The following ITPR1 variants were observed in gnomAD, a reference collection of about 807,000 sequenced individuals.
ITPR1 encodes inositol 1,4,5-trisphosphate receptor type 1.
ITPR1 carries 96 observed loss-of-function variants against 318.4 expected under a neutral mutation model. That is an observed-to-expected ratio of 0.30 (90% CI 0.26 to 0.36). ITPR1 has a LOEUF of 0.36. Ranked by LOEUF, ITPR1 falls within the 10% of genes least tolerant of loss-of-function variation. The pLI is 1.00. For missense variants in ITPR1, 2,440 were observed against 3,460.2 expected, an observed-to-expected ratio of 0.71 and a Z score of 7.40; for synonymous variants, 1,312 against 1,289.9, an observed-to-expected ratio of 1.02 and a Z score of -0.37.
At position 4,811,040 on chromosome 3, in the gene ITPR1, T is replaced by C. The variant is rs146312233; in HGVS notation, c.7273-225T>C. Among the ~76,000 whole-genome samples, 53 of 152,372 alleles carry C rather than the reference T, an allele frequency of 3.5e-4. 1 individual carries two copies. In the East Asian group the frequency reaches 9.4e-3, roughly 27 times the overall value. On this transcript the variant is annotated intron_variant, in intron 55 of 61. Coordinates refer to ENST00000649015, the MANE Select transcript of ITPR1 (RefSeq NM_001378452.1). Reference sequence around the variant, plus strand: ...CCTCTAAATGGCTCTGGATACTACTTGAAGTTGCTATTGTTTCCTGCTTCC... The same window carrying C: ...CCTCTAAATGGCTCTGGATACTACTCGAAGTTGCTATTGTTTCCTGCTTCC...
chr3:4,603,946 A>G (rs575765804), intron 4 of ITPR1, among the ~76,000 whole-genome samples: 19 of 152,320 alleles, frequency 1.2e-4, no homozygotes, highest in South Asian at 8.3e-4. Context: ...ATTTCTACCA[A>G]TAGTGTATAA....
chr3:4,632,798 A>G (rs1370490202), intron 5 of ITPR1, among the ~76,000 whole-genome samples: 7 of 152,126 alleles, frequency 4.6e-5, no homozygotes, highest in African/African-American at 7.2e-5. Context: ...GTGATCAAAA[A>G]TGGTCAACTC....
chr3:4,644,926 C>G (rs911749332), intron 8 of ITPR1, among the ~76,000 whole-genome samples: 1 of 152,130 alleles, frequency 6.6e-6, no homozygotes, highest in African/African-American at 2.4e-5. Flanking sequence ...CGTGTTAGCA[C>G]CTAAACCTAG....
At chr3:4,740,469 G>A (rs141509671) in intron 44 of ITPR1, among the ~76,000 whole-genome samples, 1 of 152,274 alleles carries the variant, frequency 6.6e-6, no homozygotes, top group Non-Finnish European at 1.5e-5. Flanking sequence ...TCAATTTATG[G>A]GAATCCACAA....
At chr3:4,682,469 C>T (rs969604553) in intron 26 of ITPR1, among the ~76,000 whole-genome samples, 9 of 152,184 alleles carry the variant, frequency 5.9e-5, no homozygotes, top group African/African-American at 2.2e-4. Flanking sequence ...GAGGGGACTA[C>T]ATAAGGGTTT....
chr3:4,573,617 C>T (rs73102474), intron 4 of ITPR1, among the ~76,000 whole-genome samples: 8,842 of 152,248 alleles, frequency 0.058, 882 homozygotes, highest in African/African-American at 0.2. Flanking sequence ...CTTTGCTTGC[C>T]TGGCTTCAGA....
chr3:4,751,097 T>C (rs2044475045), intron 44 of ITPR1: 1 of 152,628 alleles, frequency 6.6e-6, no homozygotes, highest in African/African-American at 2.4e-5. Flanking sequence ...GAAGGGCTGT[T>C]TGTATTTCCA....
At chr3:4,790,221 A>G (rs1415653718) in intron 52 of ITPR1, among the ~76,000 whole-genome samples, 2 of 152,182 alleles carry the variant, frequency 1.3e-5, no homozygotes. Context: ...AAGAGTGAGG[A>G]ATCAGTTCTA....
chr3:4,546,530 C>T (rs4684419), intron 4 of ITPR1, among the ~76,000 whole-genome samples: 74,593 of 151,920 alleles, frequency 0.49, 18,859 homozygotes, highest in Admixed American at 0.57. Context: ...GCTCGTGCAC[C>T]GTTCACTCTA....
chr3:4,687,037 C>G (rs1409737906), intron 30 of ITPR1, among the ~76,000 whole-genome samples: 1 of 152,220 alleles, frequency 6.6e-6, no homozygotes, highest in African/African-American at 2.4e-5. Flanking sequence ...TGGGAGCTCA[C>G]CTTCCTCCCA....
chr3:4,650,217 A>G (rs186205263), intron 10 of ITPR1, among the ~76,000 whole-genome samples: 3 of 152,180 alleles, frequency 2.0e-5, no homozygotes, highest in Admixed American at 1.3e-4. Context: ...TTTTATGTGG[A>G]TATATGTTCT....
In ITPR1 at chr3:4,546,320, C is replaced by A. The variant is rs555421739; in HGVS notation, c.163+25226C>A. Among the ~76,000 whole-genome samples the A allele has an allele frequency of 2.0e-5, 3 of 152,262 alleles. No homozygotes were observed. In the South Asian group the frequency reaches 6.2e-4, roughly 32 times the overall value. On this transcript the variant is annotated intron_variant, in intron 4 of 61. Coordinates refer to ENST00000649015, the MANE Select transcript of ITPR1 (RefSeq NM_001378452.1). Reference sequence around the variant, plus strand: ...AGAGGGTGTGAGCACTCGAACCTGTCATCTGCTTCTATGTCATTTTTTCCT... The same window carrying A: ...AGAGGGTGTGAGCACTCGAACCTGTAATCTGCTTCTATGTCATTTTTTCCT...
At chr3:4,680,885 C>A (rs1233515919) in intron 25 of ITPR1, among the ~76,000 whole-genome samples, 194 bp downstream of exon 25, 2 of 152,324 alleles carry the variant, frequency 1.3e-5, no homozygotes, top group South Asian at 2.1e-4. Flanking sequence ...TGGGTTGGAT[C>A]TTGTTTCCTT....
chr3:4,591,562 G>T (rs1241349518), intron 4 of ITPR1, among the ~76,000 whole-genome samples: 1 of 152,176 alleles, frequency 6.6e-6, no homozygotes, highest in Non-Finnish European at 1.5e-5. Flanking sequence ...CCTAAGGGAG[G>T]AATGTAAAGA....
chr3:4,820,761 G>A (rs1195940337), intron 60 of ITPR1, among the ~76,000 whole-genome samples: 4 of 152,240 alleles, frequency 2.6e-5, no homozygotes, highest in African/African-American at 4.8e-5. Context: ...ACCGCTAAAC[G>A]GTGGTGCCTT....
At chr3:4,714,973 G>T (rs1268920936) in intron 39 of ITPR1, among the ~76,000 whole-genome samples, 1 of 152,200 alleles carries the variant, frequency 6.6e-6, no homozygotes, top group East Asian at 1.9e-4. Context: ...AAGTTACAAT[G>T]ATAACATTGA....
rs369770816 is a variant in ITPR1 at position 4,663,049 on chromosome 3, C to T, written c.1413-16C>T. On this transcript the variant is annotated splice_polypyrimidine_tract_variant and intron_variant, in intron 15 of 61. Coordinates refer to ENST00000649015, the MANE Select transcript of ITPR1 (RefSeq NM_001378452.1). Reference sequence around the variant, plus strand: ...CACTGAACACATCTGTCTCTAATAGCGTCTTTCCTCCTAAGGTCTGTAACC... The same window carrying T: ...CACTGAACACATCTGTCTCTAATAGTGTCTTTCCTCCTAAGGTCTGTAACC... 30 of 1,612,000 alleles carry T rather than the reference C, an allele frequency of 1.9e-5. No individual in the cohort carries two copies. The highest frequency in any genetic ancestry group is 1.6e-4 in the Middle Eastern group (1 of 6,074).
At position 4,687,335 on chromosome 3, in the gene ITPR1, T is replaced by G. The variant is rs568113625; in HGVS notation, c.3703-1160T>G. Among the ~76,000 whole-genome samples the G allele has an allele frequency of 2.0e-5, 3 of 152,336 alleles. No individual in the cohort carries two copies. In the South Asian group the frequency reaches 6.2e-4, roughly 32 times the overall value. ...GAGTAATCACTGTCTAAGCACTTCA[T>G]GTGACTTTTCTCACTTAATCTTCAT... On this transcript the variant is annotated intron_variant, in intron 30 of 61. Transcript: ENST00000649015.
At chr3:4,766,820 C>T (rs2045847718) in intron 45 of ITPR1, 110 bp downstream of exon 45, 2 of 851,612 alleles carry the variant, frequency 2.3e-6, no homozygotes, top group African/African-American at 1.7e-5. Context: ...ATGATGGGAG[C>T]TTTCAGAAGA....
Sources: allele counts gnomAD v4.1 joint callset (sites outside exome capture counted in the v4.1 genomes callset), GRCh38; gene constraint gnomAD v4.1.1; transcripts MANE v1.5; gene names NCBI Gene and HGNC (gene_info 2026-07-23, HGNC 2026-07-21).